Variants in TG observed in about 807,000 individuals in gnomAD.
TG encodes thyroglobulin, also known as thyroid hormones.
In TG, 270 loss-of-function variants were observed where a neutral mutation model predicts 324.7. The observed-to-expected ratio is 0.83, with a 90% CI of 0.75 to 0.92. The LOEUF (loss-of-function observed/expected upper bound fraction) is 0.92, where lower values mean the gene tolerates loss of function less well. TG is among the 40% of genes least tolerant of loss of function. The pLI, the probability that TG is intolerant of heterozygous loss-of-function variation, is 0.00. For synonymous variants in TG, 1,401 were observed against 1,327.0 expected (o/e 1.06, Z -1.21); for missense variants, 3,591 against 3,456.4 (o/e 1.04, Z -0.98).
chr8:133,109,911 G>A (rs75917466), intron 43 of TG, among the ~76,000 whole-genome samples: 9,729 of 152,156 alleles, frequency 0.064, 1,044 homozygotes, highest in African/African-American at 0.22. Context: ...GGAGGCATTG[G>A]TATCTTGGCT....
chr8:132,897,852 C>T, intron 12 of TG, 66 bp downstream of exon 12: 1 of 1,590,352 alleles, frequency 6.3e-7, no homozygotes. Context: ...AGGACAGAGC[C>T]CCACACTGGG....
rs754565889 is a variant in TG, at chr8:133,011,945, G to A, written c.6307G>A (p.Val2103Ile). The A allele has an allele frequency of 5.6e-6, 9 of 1,614,060 alleles. No homozygotes were observed. The highest frequency in any genetic ancestry group is 7.6e-6 in the Non-Finnish European group (9 of 1,180,040). The change falls in exon 36 of 48, where the codon GTT (valine) becomes ATT (isoleucine). Residue 2103 changes from valine to isoleucine, a missense_variant. Coordinates refer to ENST00000220616, the MANE Select transcript of TG (RefSeq NM_003235.5). ...WQSLALSSVV[V>I]DPSIRHFDVA... is the part of the protein sequence containing the mutation. ...GTCCCTGGCCCTCTCTTCAGTGGTT[G>A]TTGATCCATCCATTAGGCACTTTGA...
intron 41 of TG, among the ~76,000 whole-genome samples, chr8:133,078,062 C>T (rs1845176274): frequency 6.6e-6 from 1 of 152,174 alleles, no homozygotes; most frequent in African/African-American, 2.4e-5. Flanking sequence ...TGTGTGGACT[C>T]AGCTCTGCAG....
intron 8 of TG, among the ~76,000 whole-genome samples, chr8:132,884,430 T>C (rs1410990770): frequency 1.3e-5 from 2 of 152,318 alleles, no homozygotes; most frequent in East Asian, 3.9e-4. Context: ...TTTAAAAGAT[T>C]TGGAATAGTG....
intron 41 of TG, among the ~76,000 whole-genome samples, chr8:133,089,601 C>G (rs561188578): frequency 6.6e-6 from 1 of 152,314 alleles, no homozygotes; most frequent in Admixed American, 6.5e-5. Context: ...TCTCACTACA[C>G]TTCTATGGAA....
intron 11 of TG, among the ~76,000 whole-genome samples, chr8:132,894,845 C>T (rs141809239): frequency 6.6e-6 from 1 of 152,370 alleles, no homozygotes; most frequent in Non-Finnish European, 1.5e-5. Flanking sequence ...AATCCTCTGA[C>T]AGCTCCAGGA....
intron 34 of TG, among the ~76,000 whole-genome samples, chr8:132,973,620 G>T (rs978762512): frequency 6.6e-6 from 1 of 152,192 alleles, no homozygotes; most frequent in Non-Finnish European, 1.5e-5. Context: ...CAGCGAATGA[G>T]ACTCACTATG....
intron 45 of TG, among the ~76,000 whole-genome samples, chr8:133,124,396 C>G (rs1399707124): frequency 6.6e-6 from 1 of 152,178 alleles, no homozygotes; most frequent in Non-Finnish European, 1.5e-5. Flanking sequence ...TAAACATCTA[C>G]TCACGCCCCA....
chr8:132,906,697 G>A lies in TG; in HGVS notation c.3644G>A (p.Cys1215Tyr), dbSNP rs1246530176. The A allele has an allele frequency of 6.2e-7, 1 of 1,614,130 alleles. No homozygotes were observed. The highest frequency in any genetic ancestry group is 8.5e-7 in the Non-Finnish European group (1 of 1,180,034). ...GGQPACESPR[C>Y]PLPFNASEVV... ...ACTTTCCTTCTCCCAGGCCCGCGGT[G>A]TCCGCTGCCATTCAACGCGTCGGAG... is the stretch of plus-strand genomic sequence containing the variant. Residue 1215 changes from cysteine to tyrosine, a missense_variant, in exon 17 of 48, where the codon TGT becomes TAT. Physicochemically the swap from Cys to Tyr is radical, Grantham distance 194 (BLOSUM62 -2). Transcript: ENST00000220616.
chr8:133,049,654 G>A, intron 41 of TG: 1 of 494,446 alleles, frequency 2.0e-6, no homozygotes, highest in Non-Finnish European at 3.7e-6. Context: ...TGTGCCAGGA[G>A]CACCATGTTA....
intron 41 of TG, among the ~76,000 whole-genome samples, chr8:133,068,598 G>A (rs1382975721): frequency 6.6e-6 from 1 of 152,192 alleles, no homozygotes; most frequent in Non-Finnish European, 1.5e-5. Context: ...GGATTGGCAA[G>A]AGGAGGTGTT....
At chr8:132,899,120 A>C in intron 14 of TG, 1 of 601,868 alleles carries the variant, frequency 1.7e-6, no homozygotes, top group Non-Finnish European at 3.0e-6. Context: ...TTTAATCATA[A>C]GATCAGGCCA....
At chr8:132,985,123 G>A (rs977059854) in intron 35 of TG, among the ~76,000 whole-genome samples, 6 of 152,006 alleles carry the variant, frequency 3.9e-5, no homozygotes, top group African/African-American at 1.2e-4. Context: ...TGTGTTCAAC[G>A]ACACATAGAT....
chr8:132,968,664 T>C (rs1829003371), intron 31 of TG, among the ~76,000 whole-genome samples: 3 of 152,220 alleles, frequency 2.0e-5, no homozygotes, highest in Admixed American at 2.0e-4. Context: ...AAATGTGTGG[T>C]GGGAACTTGT....
chr8:133,042,709 T>TTTTTTTTTTTTTG (rs1554706931), intron 41 of TG, among the ~76,000 whole-genome samples: 1 of 138,594 alleles, frequency 7.2e-6, no homozygotes, highest in African/African-American at 2.8e-5. Context: ...TTTTTTTTTT[T>TTTTTTTTTTTTTG]GTGAGATGGA....
At chr8:133,035,382 T>C (rs1260963154) in intron 41 of TG, among the ~76,000 whole-genome samples, 2 of 152,194 alleles carry the variant, frequency 1.3e-5, no homozygotes, top group African/African-American at 4.8e-5. Flanking sequence ...AGAGCATGAA[T>C]TGGAAGATTC....
At chr8:132,891,407 T>C (rs1017758868) in intron 10 of TG, among the ~76,000 whole-genome samples, 1 of 152,202 alleles carries the variant, frequency 6.6e-6, no homozygotes, top group African/African-American at 2.4e-5. Context: ...TGATCTCAGT[T>C]CACTGCAGCC....
chr8:132,921,971 C>T (rs1158604084), intron 21 of TG, among the ~76,000 whole-genome samples: 1 of 152,186 alleles, frequency 6.6e-6, no homozygotes, highest in Non-Finnish European at 1.5e-5. Flanking sequence ...CACCTACTTC[C>T]CAGACCTGGA....
At chr8:133,089,252 G>GCATATGGTGTTCCA (rs1847113038) in intron 41 of TG, among the ~76,000 whole-genome samples, 1 of 152,172 alleles carries the variant, frequency 6.6e-6, no homozygotes, top group South Asian at 2.1e-4. Context: ...CTTCTGTTCC[G>GCATATGGTGTTCCA]CATATGGTGT....
Sources: gnomAD v4.1 joint callset for allele counts (sites outside exome capture counted in the v4.1 genomes callset) on GRCh38, gnomAD v4.1.1 for gene constraint, MANE v1.5 for transcripts, NCBI Gene and HGNC (gene_info 2026-07-23, HGNC 2026-07-21) for gene names.